Variants in ASAP1 observed in about 807,000 individuals in gnomAD.
The protein encoded by ASAP1 is ArfGAP with SH3 domain, ankyrin repeat and PH domain 1.
In ASAP1, 43 loss-of-function variants were observed where a neutral mutation model predicts 145.2. The ratio of observed to expected loss-of-function variants is 0.30; its 90% CI spans 0.23 to 0.38. The LOEUF (loss-of-function observed/expected upper bound fraction) is 0.38, where lower values mean the gene tolerates loss of function less well. Among genes scored for constraint, ASAP1 ranks in the 10% least tolerant of loss-of-function variants. ASAP1 has a pLI of 1.00. For synonymous variants in ASAP1, 546 were observed against 515.5 expected, an observed-to-expected ratio of 1.06 and a Z score of -0.80; for missense variants, 1,018 against 1,355.3, an observed-to-expected ratio of 0.75 and a Z score of 3.91.
At chr8:130,322,489 T>C (rs928638635) in intron 3 of ASAP1, among the ~76,000 whole-genome samples, 2 of 152,192 alleles carry the variant, frequency 1.3e-5, no homozygotes, top group Non-Finnish European at 2.9e-5. Flanking sequence ...AATCACTGGC[T>C]GCCAAATCCT....
At position 130,361,534 on chromosome 8, in the gene ASAP1, T is replaced by C; in HGVS notation, c.60-3391A>G. The C allele has an allele frequency of 1.3e-5, 9 of 696,476 alleles. No individual in the cohort carries two copies. In the Admixed American group the frequency reaches 2.0e-4, roughly 16 times the overall value. 43.1% of individuals were successfully genotyped at this position (696,476 alleles called of 1,614,324 possible). On this transcript the variant is annotated intron_variant, in intron 2 of 29. Coordinates refer to ENST00000518721, the MANE Select transcript of ASAP1 (RefSeq NM_018482.4). ...GTTTCAGTTTCATTTGAAGATTATG[T>C]TATGTATCTGCTCCTCCCCCATCTC...
At chr8:130,184,785 CTA>C (rs1379943789) in intron 7 of ASAP1, among the ~76,000 whole-genome samples, 1 of 152,224 alleles carries the variant, frequency 6.6e-6, no homozygotes, top group Non-Finnish European at 1.5e-5. Context: ...TTAGTAGAAA[CTA>C]TTTATTGTGT....
chr8:130,241,318 T>C (rs756963961), intron 3 of ASAP1, among the ~76,000 whole-genome samples: 4 of 152,126 alleles, frequency 2.6e-5, no homozygotes, highest in Non-Finnish European at 5.9e-5. Context: ...AGTTTTTCCA[T>C]AGTGTTACCA....
At chr8:130,273,757 G>A (rs745563889) in intron 3 of ASAP1, among the ~76,000 whole-genome samples, 5 of 152,134 alleles carry the variant, frequency 3.3e-5, no homozygotes, top group Non-Finnish European at 7.4e-5. Context: ...TCTGTGGTGC[G>A]ACCCAGACAT....
chr8:130,383,649 G>A (rs993294698), intron 2 of ASAP1, among the ~76,000 whole-genome samples: 18 of 152,180 alleles, frequency 1.2e-4, no homozygotes, highest in African/African-American at 4.3e-4. Flanking sequence ...CCACACAGCA[G>A]GGAGATGTTA....
At chr8:130,232,944 G>A (rs1440228508) in intron 4 of ASAP1, among the ~76,000 whole-genome samples, 1 of 152,206 alleles carries the variant, frequency 6.6e-6, no homozygotes, top group African/African-American at 2.4e-5. Context: ...GCCCTTGGAG[G>A]GGAACAGCTT....
intron 4 of ASAP1, among the ~76,000 whole-genome samples, chr8:130,226,628 G>A (rs1284481749): frequency 6.6e-6 from 1 of 152,156 alleles, no homozygotes; most frequent in Non-Finnish European, 1.5e-5. Flanking sequence ...AGCCTCTGGG[G>A]TGTTATCTGG....
intron 25 of ASAP1, among the ~76,000 whole-genome samples, chr8:130,087,667 G>A (rs948884867): frequency 4.6e-5 from 7 of 152,186 alleles, no homozygotes; most frequent in Non-Finnish European, 1.5e-5. Context: ...GTGGTGGTGT[G>A]AACAGGTGGC....
In ASAP1 at chr8:130,358,781, G is replaced by C. The variant is rs1273116407; in HGVS notation, c.60-638C>G. On this transcript the variant is annotated intron_variant, in intron 2 of 29. Transcript: ENST00000518721. This position sits in a 1 kb window ranked among gnomAD's most constrained non-coding sequence, Gnocchi z 4.1. Reference sequence around the variant, plus strand: ...CGCCCCCGCTCGCGCACAGCCCCTGGGGCCTGGCTCCGAAGCTGCCGCTCC... The same window carrying C: ...CGCCCCCGCTCGCGCACAGCCCCTGCGGCCTGGCTCCGAAGCTGCCGCTCC... Among the ~76,000 whole-genome samples, 1 of 146,136 alleles carries C rather than the reference G, an allele frequency of 6.8e-6. No homozygotes were observed. The highest frequency in any genetic ancestry group is 2.5e-5 in the African/African-American group (1 of 39,854).
At chr8:130,211,304 G>T (rs1476890182) in intron 5 of ASAP1, among the ~76,000 whole-genome samples, 1 of 152,152 alleles carries the variant, frequency 6.6e-6, no homozygotes, top group Non-Finnish European at 1.5e-5. Flanking sequence ...CAGACGTATG[G>T]TTAATTAAAA....
At chr8:130,206,063 A>AT (rs1816201125) in intron 5 of ASAP1, among the ~76,000 whole-genome samples, 1 of 151,954 alleles carries the variant, frequency 6.6e-6, no homozygotes, top group Admixed American at 6.6e-5. Flanking sequence ...AATATGTATG[A>AT]TTTTTTAAAT....
At chr8:130,266,694 T>C (rs1422202156) in intron 3 of ASAP1, among the ~76,000 whole-genome samples, 3 of 152,078 alleles carry the variant, frequency 2.0e-5, no homozygotes, top group Non-Finnish European at 1.5e-5. Flanking sequence ...AATAATTTGA[T>C]TTAATACAGT....
At chr8:130,385,351 A>T (rs1827963521) in intron 2 of ASAP1, among the ~76,000 whole-genome samples, 1 of 152,182 alleles carries the variant, frequency 6.6e-6, no homozygotes, top group South Asian at 2.1e-4. Context: ...CAGAGACTTG[A>T]GTGTGTCTAA....
chr8:130,420,045 C>T (rs958468136), intron 1 of ASAP1, among the ~76,000 whole-genome samples: 1 of 151,964 alleles, frequency 6.6e-6, no homozygotes, highest in Non-Finnish European at 1.5e-5. Context: ...CCCATCTCTG[C>T]TCCGCAAAGT....
intron 1 of ASAP1, among the ~76,000 whole-genome samples, chr8:130,405,689 GT>G (rs1828995742): frequency 6.6e-6 from 1 of 152,190 alleles, no homozygotes; most frequent in South Asian, 2.1e-4. Context: ...GCTGTGTGAG[GT>G]GTGACACCAT....
intron 3 of ASAP1, among the ~76,000 whole-genome samples, chr8:130,276,760 T>TCTCTCTCTCTCTCTCTCCCC (rs1333515760): frequency 4.1e-4 from 53 of 130,344 alleles, no homozygotes; most frequent in Non-Finnish European, 5.6e-4. Context: ...TCTCTCTCTC[T>TCTCTCTCTCTCTCTCTCCCC]CCTCTAACAA....
At chr8:130,171,909 T>C (rs1034557525) in intron 9 of ASAP1, among the ~76,000 whole-genome samples, 5 of 152,196 alleles carry the variant, frequency 3.3e-5, no homozygotes, top group African/African-American at 9.6e-5. Context: ...AAAATCTGTT[T>C]TGGTCTCTGA....
chr8:130,252,165 T>C (rs1819236308), intron 3 of ASAP1, among the ~76,000 whole-genome samples: 2 of 152,192 alleles, frequency 1.3e-5, no homozygotes, highest in Admixed American at 6.5e-5. Context: ...TTACTAAAAA[T>C]TATGTATGGA....
chr8:130,057,610 A>G (rs990956562), intron 29 of ASAP1, among the ~76,000 whole-genome samples: 2 of 151,946 alleles, frequency 1.3e-5, no homozygotes, highest in Admixed American at 1.3e-4. Flanking sequence ...CACCATGCCC[A>G]GTTAATTTTT....
Sources: allele counts gnomAD v4.1 joint callset (sites outside exome capture counted in the v4.1 genomes callset), GRCh38; gene constraint gnomAD v4.1.1; non-coding constraint Gnocchi (gnomAD v3.1); transcripts MANE v1.5; gene names NCBI Gene and HGNC (gene_info 2026-07-23, HGNC 2026-07-21).